RNF212: variants seen among roughly 807,000 people sequenced by gnomAD.
The protein encoded by RNF212 is probable E3 SUMO-protein ligase RNF212.
Under a neutral mutation model 34.7 loss-of-function variants are expected in RNF212, and 33 were observed. The ratio of observed to expected loss-of-function variants is 0.95; its 90% CI spans 0.72 to 1.27. The LOEUF is 1.27. Ranked by LOEUF, RNF212 falls within the 50% of genes most tolerant of loss-of-function variation. RNF212 has a pLI of 0.00. For missense variants in RNF212, 377 were observed against 362.2 expected (o/e 1.04, Z -0.33); for synonymous variants, 140 against 136.1 (o/e 1.03, Z -0.20).
At chr4:1,075,600 C>T (rs976035042) in intron 8 of RNF212, among the ~76,000 whole-genome samples, 4 of 152,260 alleles carry the variant, frequency 2.6e-5, no homozygotes, top group South Asian at 4.1e-4. Flanking sequence ...ACCTCGGGCA[C>T]TGGGGATTAT....
intron 3 of RNF212, among the ~76,000 whole-genome samples, chr4:1,065,103 G>A (rs1271690559): frequency 6.6e-6 from 1 of 152,174 alleles, no homozygotes; most frequent in Non-Finnish European, 1.5e-5. Flanking sequence ...ACGATCTTGG[G>A]TATACAAGCA....
At chr4:1,093,983 A>G (rs1413527356) in intron 3 of RNF212, 5 of 1,535,866 alleles carry the variant, frequency 3.3e-6, no homozygotes, top group Non-Finnish European at 8.7e-7. Context: ...GCATAACTTG[A>G]GACGGCAACA....
intron 3 of RNF212, 129 bp from the exon 4 acceptor site, chr4:1,090,967 C>T: frequency 1.6e-6 from 1 of 624,562 alleles, no homozygotes; most frequent in South Asian, 1.9e-5. Context: ...GTGTGTCCTG[C>T]CCCCACAGAC....
chr4:1,086,915 G>A (rs1333300649), intron 4 of RNF212, among the ~76,000 whole-genome samples: 1 of 6,742 alleles, frequency 1.5e-4, no homozygotes, highest in African/African-American at 1.1e-3. Flanking sequence ...AGCATGGGGT[G>A]GGGGCAAGAG....
chr4:1,073,197 C>A lies in RNF212; in HGVS notation c.575-4G>T. The A allele has an allele frequency of 3.1e-6, 5 of 1,613,040 alleles. No individual in the cohort carries two copies. The highest frequency in any genetic ancestry group is 4.2e-6 in the Non-Finnish European group (5 of 1,179,282). On this transcript the variant is annotated splice_region_variant and splice_polypyrimidine_tract_variant and intron_variant, in intron 9 of 9. Transcript: ENST00000433731. Reference sequence around the variant, plus strand: ...AAAGAAGCTGTTAGATGTGGCCCTGCGGGAAGATGCAGGAGACAGCGTGTG... The same window carrying A: ...AAAGAAGCTGTTAGATGTGGCCCTGAGGGAAGATGCAGGAGACAGCGTGTG...
At chr4:1,075,293 G>A (rs543598651) in intron 8 of RNF212, among the ~76,000 whole-genome samples, 162 of 152,284 alleles carry the variant, frequency 1.1e-3, no homozygotes, top group African/African-American at 3.7e-3. Context: ...CTTGCACTGC[G>A]ATAAATACCA....
At chr4:1,083,380 C>T (rs1437881319) in intron 5 of RNF212, among the ~76,000 whole-genome samples, 1 of 152,156 alleles carries the variant, frequency 6.6e-6, no homozygotes, top group African/African-American at 2.4e-5. Context: ...TGGTGGCTCA[C>T]ACCTGTAATC....
intron 2 of RNF212, among the ~76,000 whole-genome samples, chr4:1,104,623 G>A (rs1395090380): frequency 1.3e-5 from 2 of 152,100 alleles, no homozygotes; most frequent in African/African-American, 4.8e-5. Context: ...AGCCTGGCCT[G>A]GTCTGCCATT....
chr4:1,073,395 C>A (rs917337647), intron 9 of RNF212, among the ~76,000 whole-genome samples: 1 of 152,120 alleles, frequency 6.6e-6, no homozygotes, highest in Non-Finnish European at 1.5e-5. Flanking sequence ...TCTCCTGTGA[C>A]TTGTTACACG....
At chr4:1,087,350 A>AGTGGGGGTGAGAGGATGGG (rs1230930242) in intron 4 of RNF212, among the ~76,000 whole-genome samples, 1 of 32,342 alleles carries the variant, frequency 3.1e-5, no homozygotes, top group African/African-American at 1.4e-4. Flanking sequence ...GCAGGACAGA[A>AGTGGGGGTGAGAGGATGGG]GTGGGGGTGA....
At chr4:1,085,632 C>T in intron 5 of RNF212, 1 of 547,018 alleles carries the variant, frequency 1.8e-6, no homozygotes, top group Non-Finnish European at 3.2e-6. Flanking sequence ...TCTCCCAGGC[C>T]CCTCCCACTG....
At chr4:1,056,422 C>G in exon 5 of RNF212, 12 of 711,930 alleles carry the variant, frequency 1.7e-5, no homozygotes, top group Non-Finnish European at 2.1e-5. Context: ...GTCACTGCCC[C>G]AAGGTGAGCA....
intron 5 of RNF212, 62 bp downstream of exon 5, chr4:1,085,834 C>G: frequency 2.7e-6 from 3 of 1,094,116 alleles, no homozygotes; most frequent in Admixed American, 1.7e-5. Context: ...GAGAGCCAGA[C>G]GACCAATGCA....
At chr4:1,099,673 C>A in intron 2 of RNF212, 1 of 450,776 alleles carries the variant, frequency 2.2e-6, no homozygotes. Context: ...GGGGTGTGTG[C>A]GCCACAATGG....
intron 3 of RNF212, among the ~76,000 whole-genome samples, chr4:1,094,255 G>A (rs1005209022): frequency 1.3e-5 from 2 of 152,162 alleles, no homozygotes; most frequent in Non-Finnish European, 2.9e-5. Flanking sequence ...GGAAGTGCAG[G>A]GCGGGGGCCA....
At chr4:1,075,253 T>C (rs1325419064) in intron 8 of RNF212, among the ~76,000 whole-genome samples, 1 of 152,236 alleles carries the variant, frequency 6.6e-6, no homozygotes, top group Non-Finnish European at 1.5e-5. Flanking sequence ...TTAAACCAGT[T>C]TTCACATTTA....
At chr4:1,112,805 G>A (rs1725923901) in intron 1 of RNF212, among the ~76,000 whole-genome samples, 1 of 88,818 alleles carries the variant, frequency 1.1e-5, no homozygotes, top group African/African-American at 4.6e-5. Flanking sequence ...CCATCTCCTC[G>A]GTATCCCCCT....
At position 1,072,595 on chromosome 4, in the gene RNF212, G is replaced by GA; in HGVS notation, c.*278dup. 8.5e-6 allele frequency: 8 copies of GA among 943,780 alleles called. No homozygotes were observed. The highest frequency in any genetic ancestry group is 1.8e-5 in the African/African-American group (1 of 56,446). 58.5% of individuals were successfully genotyped at this position (943,780 alleles called of 1,614,324 possible). A position where few individuals can be genotyped will look rare whatever the true frequency, so the allele number is the denominator to read the frequency against. ...AAAAGTTTTAAAAACCACCCAGTTAGAAAAAAATGATTTAAGTATGTGAAA... is the reference window on the plus strand; with the variant it reads ...AAAAGTTTTAAAAACCACCCAGTTAGAAAAAAAATGATTTAAGTATGTGAAA... On this transcript the variant is annotated 3_prime_UTR_variant, in exon 10 of 10. Coordinates refer to ENST00000433731, the MANE Select transcript of RNF212 (RefSeq NM_001131034.4).
intron 3 of RNF212, among the ~76,000 whole-genome samples, chr4:1,065,908 A>T (rs943147667): frequency 2.0e-5 from 3 of 146,592 alleles, no homozygotes; most frequent in African/African-American, 7.4e-5. Flanking sequence ...ACAGGATCTT[A>T]CTCTGTCGTC....
Sources: allele counts gnomAD v4.1 joint callset (sites outside exome capture counted in the v4.1 genomes callset), GRCh38; gene constraint gnomAD v4.1.1; transcripts MANE v1.5; gene names NCBI Gene and HGNC (gene_info 2026-07-23, HGNC 2026-07-21).